The following DLG2 variants were observed in gnomAD, a reference collection of about 807,000 sequenced individuals.
The protein encoded by DLG2 is disks large homolog 2.
In DLG2, 45 loss-of-function variants were observed where a neutral mutation model predicts 132.5. That is an observed-to-expected ratio of 0.34 (90% CI 0.27 to 0.44). The LOEUF is 0.44. DLG2 is among the 20% of genes least tolerant of loss of function. The probability of loss-of-function intolerance (pLI) is 1.00; values close to 1 mark genes in which losing one functional copy is unlikely to be tolerated. For synonymous variants in DLG2, 424 were observed against 419.6 expected (o/e 1.01, Z -0.13); for missense variants, 1,045 against 1,196.9 (o/e 0.87, Z 1.87).
intron 3 of DLG2, among the ~76,000 whole-genome samples, chr11:85,444,661 C>A (rs1179459222): frequency 3.9e-5 from 6 of 152,182 alleles, no homozygotes. Flanking sequence ...GGCTGCCAGG[C>A]CAGTAAATAA....
intron 3 of DLG2, among the ~76,000 whole-genome samples, chr11:85,546,513 T>TG (rs756505736): frequency 6.6e-6 from 1 of 152,226 alleles, no homozygotes; most frequent in Non-Finnish European, 1.5e-5. Flanking sequence ...TAGGTCTGCT[T>TG]GGTCCTGAGC....
intron 18 of DLG2, among the ~76,000 whole-genome samples, chr11:83,679,524 C>A (rs920761494): frequency 6.6e-6 from 1 of 152,066 alleles, no homozygotes; most frequent in Non-Finnish European, 1.5e-5. Flanking sequence ...AAGGTAATAA[C>A]CCTGTTTTTA....
intron 6 of DLG2, among the ~76,000 whole-genome samples, chr11:84,961,671 C>G (rs1310878106): frequency 6.6e-6 from 1 of 152,014 alleles, no homozygotes; most frequent in African/African-American, 2.4e-5. Flanking sequence ...GCCAAAAATA[C>G]TGTGAAATGA....
intron 6 of DLG2, among the ~76,000 whole-genome samples, chr11:85,053,874 G>C (rs1162153815): frequency 6.7e-6 from 1 of 149,954 alleles, no homozygotes; most frequent in African/African-American, 2.5e-5. Flanking sequence ...TTAGAGAAAA[G>C]TACAAAAATA....
At chr11:84,570,812 A>G (rs1448260250) in intron 6 of DLG2, among the ~76,000 whole-genome samples, 3 of 152,218 alleles carry the variant, frequency 2.0e-5, no homozygotes, top group African/African-American at 7.2e-5. Context: ...TAGATGCTGG[A>G]CTAAAACTGT....
At chr11:84,464,318 G>A (rs2099088335) in intron 7 of DLG2, among the ~76,000 whole-genome samples, 1 of 151,154 alleles carries the variant, frequency 6.6e-6, no homozygotes, top group Non-Finnish European at 1.5e-5. Context: ...ATAAAGAGGA[G>A]GCAACAAATG....
At chr11:83,828,047 G>A (rs2053393232) in intron 17 of DLG2, among the ~76,000 whole-genome samples, 1 of 152,076 alleles carries the variant, frequency 6.6e-6, no homozygotes, top group Non-Finnish European at 1.5e-5. Flanking sequence ...AATTCTGGTG[G>A]GGATAAGGGG....
intron 11 of DLG2, among the ~76,000 whole-genome samples, chr11:83,983,320 A>G (rs763788779): frequency 2.0e-4 from 30 of 152,202 alleles, no homozygotes; most frequent in African/African-American, 5.3e-4. Flanking sequence ...TTGACTACAG[A>G]CATAATTTCT....
intron 7 of DLG2, among the ~76,000 whole-genome samples, chr11:84,358,916 TAAAA>T (rs1344414249): frequency 6.6e-5 from 10 of 151,732 alleles, no homozygotes; most frequent in Non-Finnish European, 1.2e-4. Flanking sequence ...AACTAGAAAA[TAAAA>T]AAGCTGAGAT....
At chr11:84,216,339 A>G (rs906386765) in intron 8 of DLG2, among the ~76,000 whole-genome samples, 1 of 152,210 alleles carries the variant, frequency 6.6e-6, no homozygotes, top group African/African-American at 2.4e-5. Flanking sequence ...ATTAGCAACC[A>G]TAATTATGTC....
At chr11:84,358,009 A>G (rs1019537496) in intron 7 of DLG2, among the ~76,000 whole-genome samples, 4 of 152,034 alleles carry the variant, frequency 2.6e-5, no homozygotes, top group African/African-American at 9.7e-5. Context: ...ATACTTTTAT[A>G]GTACTATTAT....
At chr11:85,154,052 G>A (rs1364293460) in intron 5 of DLG2, among the ~76,000 whole-genome samples, 5 of 133,718 alleles carry the variant, frequency 3.7e-5, no homozygotes, top group African/African-American at 8.2e-5. Context: ...ATATCCTTGC[G>A]AACAGCCAGG....
intron 6 of DLG2, chr11:84,545,287 T>C: frequency 2.0e-6 from 1 of 503,942 alleles, no homozygotes; most frequent in Non-Finnish European, 3.9e-6. Context: ...ATTTGAAGAC[T>C]GATTGTTGTA....
intron 5 of DLG2, among the ~76,000 whole-genome samples, chr11:85,127,832 A>G (rs980411999): frequency 1.3e-5 from 2 of 152,212 alleles, no homozygotes; most frequent in Non-Finnish European, 2.9e-5. Flanking sequence ...ATTTCTGTTA[A>G]GAATCCACTT....
At chr11:84,908,103 T>C (rs1485749030) in intron 6 of DLG2, among the ~76,000 whole-genome samples, 1 of 152,024 alleles carries the variant, frequency 6.6e-6, no homozygotes, top group Non-Finnish European at 1.5e-5. Context: ...GAGTTACCCT[T>C]TAGCCTCCAC....
intron 3 of DLG2, among the ~76,000 whole-genome samples, chr11:85,482,831 A>C (rs1287044521): frequency 6.6e-6 from 1 of 151,926 alleles, no homozygotes; most frequent in Non-Finnish European, 1.5e-5. Context: ...CCCATGGTCC[A>C]CCCCCAGTCC....
rs537462347 is a variant in DLG2 at position 84,676,875 on chromosome 11, G to C, written c.358-142144C>G. ...GAAGTGTAGGAGTAAATTAGGATGGGGGAAAAGCAGGAAAAGATGTTCCAG... is the reference window on the plus strand; with the variant it reads ...GAAGTGTAGGAGTAAATTAGGATGGCGGAAAAGCAGGAAAAGATGTTCCAG... On this transcript the variant is annotated intron_variant, in intron 6 of 27. Coordinates refer to ENST00000376104, the MANE Select transcript of DLG2 (RefSeq NM_001142699.3). Among the ~76,000 whole-genome samples the C allele has an allele frequency of 2.0e-4, 30 of 152,066 alleles. No individual in the cohort carries two copies. In the South Asian group the frequency reaches 5.8e-3, roughly 29 times the overall value.
chr11:84,197,376 G>A (rs2096535942), intron 8 of DLG2, among the ~76,000 whole-genome samples: 1 of 152,160 alleles, frequency 6.6e-6, no homozygotes, highest in Non-Finnish European at 1.5e-5. Flanking sequence ...TGCACAAAAT[G>A]ATGATAGCAT....
chr11:84,832,465 A>T (rs2079165661), intron 6 of DLG2, among the ~76,000 whole-genome samples: 1 of 151,682 alleles, frequency 6.6e-6, no homozygotes, highest in African/African-American at 2.4e-5. Context: ...TAGTAACTTA[A>T]CTACAACATA....
Sources: allele counts gnomAD v4.1 joint callset (sites outside exome capture counted in the v4.1 genomes callset), GRCh38; gene constraint gnomAD v4.1.1; transcripts MANE v1.5; gene names NCBI Gene and HGNC (gene_info 2026-07-23, HGNC 2026-07-21).